The following USP15 variants were observed in gnomAD, a reference collection of about 807,000 sequenced individuals.
The protein encoded by USP15 is ubiquitin specific peptidase 15.
USP15 carries 18 observed loss-of-function variants against 127.1 expected under a neutral mutation model. The observed-to-expected ratio is 0.14, with a 90% CI of 0.10 to 0.21. The LOEUF (loss-of-function observed/expected upper bound fraction) is 0.21. USP15 is among the 10% of genes least tolerant of loss of function. The probability of loss-of-function intolerance (pLI) is 1.00; values close to 1 mark genes in which losing one functional copy is unlikely to be tolerated. For synonymous variants in USP15, 364 were observed against 393.7 expected (o/e 0.92, Z 0.89); for missense variants, 805 against 1,159.9 (o/e 0.69, Z 4.44).
intron 1 of USP15, among the ~76,000 whole-genome samples, chr12:62,260,846 T>C (rs541571948): frequency 1.4e-4 from 22 of 152,292 alleles, no homozygotes; most frequent in South Asian, 1.0e-3. Context: ...TTGAGTCTTA[T>C]ATACGCCGTT....
Position 62,413,765 on chromosome 12 carries a change from A to G in USP15, c.*9390A>G, listed in dbSNP as rs1426766216. The G allele has an allele frequency of 6.6e-6, 1 of 151,802 alleles. No individual in the cohort carries two copies. The highest frequency in any genetic ancestry group is 2.4e-5 in the African/African-American group (1 of 41,346). 9.4% of individuals were successfully genotyped at this position (151,802 alleles called of 1,614,324 possible). On this transcript the variant is annotated 3_prime_UTR_variant, in exon 22 of 22. Transcript: ENST00000280377. ...CTCTATACCACTTTTCTTATGATTC[A>G]TGTGTTCACTTGAGTAGCACTTTTA... is the stretch of plus-strand genomic sequence containing the variant.
chr12:62,328,509 C>T (rs911664731), intron 6 of USP15: 1 of 204,146 alleles, frequency 4.9e-6, no homozygotes, highest in Non-Finnish European at 1.1e-5. Context: ...CAAAAATTAA[C>T]TTAATTAAAA....
intron 8 of USP15, among the ~76,000 whole-genome samples, chr12:62,357,771 A>C (rs1252489378): frequency 2.0e-5 from 3 of 152,118 alleles, no homozygotes; most frequent in Non-Finnish European, 4.4e-5. Context: ...TTATTTTCTT[A>C]AAACTTCCAT....
Position 62,384,314 on chromosome 12 carries a change from G to A in USP15, c.1473+12G>A, listed in dbSNP as rs756111656. 2.0e-6 allele frequency: 3 copies of A among 1,465,984 alleles called. No individual in the cohort carries two copies. In the African/African-American group the frequency reaches 4.9e-5, roughly 24 times the overall value. 90.8% of individuals were successfully genotyped at this position (1,465,984 alleles called of 1,614,324 possible). Reference sequence around the variant, plus strand: ...CCAAACCTATGCAGGTAAATCATGGGTTGGTTTGTTTTGTTTTTTTTTTTT... The same window carrying A: ...CCAAACCTATGCAGGTAAATCATGGATTGGTTTGTTTTGTTTTTTTTTTTT... On this transcript the variant is annotated intron_variant, in intron 11 of 21. Coordinates refer to ENST00000280377, the MANE Select transcript of USP15 (RefSeq NM_001252078.2).
At chr12:62,384,381 G>C (rs2067081334) in intron 11 of USP15, 79 bp downstream of exon 11, 7 of 1,068,860 alleles carry the variant, frequency 6.5e-6, no homozygotes, top group Non-Finnish European at 7.8e-6. Flanking sequence ...TTAGTGTTGA[G>C]TCCTTATTAT....
chr12:62,337,312 C>T (rs1441522613), intron 6 of USP15, among the ~76,000 whole-genome samples: 6 of 152,042 alleles, frequency 3.9e-5, no homozygotes, highest in South Asian at 2.1e-4. Flanking sequence ...ATATAGGAGA[C>T]GGGGCAATTT....
At chr12:62,299,325 GT>G (rs1385876811) in intron 2 of USP15, among the ~76,000 whole-genome samples, 1 of 152,128 alleles carries the variant, frequency 6.6e-6, no homozygotes, top group Non-Finnish European at 1.5e-5. Flanking sequence ...GGCCAGGCTG[GT>G]CTCTGAACTC....
At chr12:62,340,530 T>C (rs1401668454) in intron 6 of USP15, among the ~76,000 whole-genome samples, 1 of 152,220 alleles carries the variant, frequency 6.6e-6, no homozygotes, top group Admixed American at 6.5e-5. Context: ...CATTTAGTGC[T>C]ATAAATTTCC....
rs2137714671 is a variant in USP15, at chr12:62,411,491, T to C, written c.*7116T>C. 6.6e-6 allele frequency: 1 copy of C among 152,384 alleles called. No individual in the cohort carries two copies. The highest frequency in any genetic ancestry group is 1.5e-5 in the Non-Finnish European group (1 of 68,044). 9.4% of individuals were successfully genotyped at this position (152,384 alleles called of 1,614,324 possible). On this transcript the variant is annotated 3_prime_UTR_variant, in exon 22 of 22. Coordinates refer to ENST00000280377, the MANE Select transcript of USP15 (RefSeq NM_001252078.2). ...TAATTTTTAAAGCTATTTGTGAGCA[T>C]AACTTCGTAACACATTTAGAACCTT...
intron 11 of USP15, among the ~76,000 whole-genome samples, chr12:62,386,848 G>A (rs2067164966): frequency 6.6e-6 from 1 of 152,160 alleles, no homozygotes; most frequent in Non-Finnish European, 1.5e-5. Context: ...ACTAAGACCA[G>A]GTAAGAAGCT....
chr12:62,363,981 T>C (rs1294071238), intron 8 of USP15, among the ~76,000 whole-genome samples: 2 of 152,082 alleles, frequency 1.3e-5, no homozygotes, highest in East Asian at 3.9e-4. Flanking sequence ...GTTCAGTTTG[T>C]GATGTCTGTG....
At position 62,263,723 on chromosome 12, in the gene USP15, G is replaced by A. The variant is rs541165467; in HGVS notation, c.89+3220G>A. On this transcript the variant is annotated intron_variant, in intron 1 of 21. Transcript: ENST00000280377. ...ATAAGGAATAAAGCAGTCTCAAAAT[G>A]ATATTTGTTGATCTGTGTTTCAATT... Among the ~76,000 whole-genome samples, 9 of 152,254 alleles carry A rather than the reference G, an allele frequency of 5.9e-5. No individual in the cohort carries two copies. In the East Asian group the frequency reaches 1.7e-3, roughly 29 times the overall value.
intron 11 of USP15, among the ~76,000 whole-genome samples, chr12:62,388,904 A>G (rs1415559985): frequency 6.6e-6 from 1 of 152,152 alleles, no homozygotes; most frequent in East Asian, 1.9e-4. Context: ...CTGAGGCAGA[A>G]GGTCACTTGA....
intron 8 of USP15, among the ~76,000 whole-genome samples, chr12:62,374,905 A>G (rs546653917): frequency 6.6e-6 from 1 of 152,120 alleles, no homozygotes; most frequent in African/African-American, 2.4e-5. Context: ...CATATTTTGC[A>G]TAATATTTCA....
intron 6 of USP15, among the ~76,000 whole-genome samples, chr12:62,327,939 AAAT>A (rs1328204571): frequency 6.7e-6 from 1 of 149,840 alleles, no homozygotes; most frequent in Non-Finnish European, 1.5e-5. Flanking sequence ...ATAAATTGCC[AAAT>A]AATAATTTAC....
At chr12:62,298,813 A>C (rs1009042303) in intron 2 of USP15, among the ~76,000 whole-genome samples, 1 of 136,132 alleles carries the variant, frequency 7.3e-6, no homozygotes, top group African/African-American at 2.7e-5. Flanking sequence ...TGGGTGACAG[A>C]GTAAGACCCT....
rs1432564024 is a variant in USP15 at position 62,411,868 on chromosome 12, C to G, written c.*7493C>G. The G allele has an allele frequency of 6.6e-6, 1 of 152,132 alleles. No homozygotes were observed. The highest frequency in any genetic ancestry group is 1.5e-5 in the Non-Finnish European group (1 of 68,052). 9.4% of individuals were successfully genotyped at this position (152,132 alleles called of 1,614,324 possible). On this transcript the variant is annotated 3_prime_UTR_variant, in exon 22 of 22. Coordinates refer to ENST00000280377, the MANE Select transcript of USP15 (RefSeq NM_001252078.2). ...GAGAGGAGAGCAAGCTCTGAGGCATCTCTTTTTTATAAGGGCACTAATCCC... is the reference window on the plus strand; with the variant it reads ...GAGAGGAGAGCAAGCTCTGAGGCATGTCTTTTTTATAAGGGCACTAATCCC...
intron 14 of USP15, among the ~76,000 whole-genome samples, chr12:62,390,464 T>C (rs2067288066): frequency 6.6e-6 from 1 of 152,152 alleles, no homozygotes; most frequent in Admixed American, 6.5e-5. Flanking sequence ...AGAATGTCAT[T>C]TGATCCCTTT....
intron 6 of USP15, among the ~76,000 whole-genome samples, chr12:62,340,521 A>G (rs1008486543): frequency 3.3e-5 from 5 of 152,152 alleles, no homozygotes; most frequent in Admixed American, 1.3e-4. Context: ...TGATATGGGC[A>G]TTTAGTGCTA....
Sources: gnomAD v4.1 joint callset for allele counts (sites outside exome capture counted in the v4.1 genomes callset) on GRCh38, gnomAD v4.1.1 for gene constraint, MANE v1.5 for transcripts, NCBI Gene and HGNC (gene_info 2026-07-23, HGNC 2026-07-21) for gene names.